The following HIVEP3 variants were observed in gnomAD, a reference collection of about 807,000 sequenced individuals.
HIVEP3 encodes transcription factor HIVEP3.
A neutral mutation model predicts 152.8 loss-of-function variants in HIVEP3; 49 were observed. That is an observed-to-expected ratio of 0.32 (90% CI 0.26 to 0.41). HIVEP3 has a LOEUF of 0.41. HIVEP3 is among the 10% of genes least tolerant of loss of function. The pLI, the probability that HIVEP3 is intolerant of heterozygous loss-of-function variation, is 1.00. For synonymous variants in HIVEP3, 1,269 were observed against 1,289.0 expected, an observed-to-expected ratio of 0.98 and a Z score of 0.33; for missense variants, 2,790 against 3,103.3, an observed-to-expected ratio of 0.90 and a Z score of 2.40.
rs548510599 is a variant in HIVEP3 at position 41,522,830 on chromosome 1, G to C, written c.5383+1905C>G. 1.3e-3 allele frequency among the ~76,000 whole-genome samples: 203 copies of C among 152,342 alleles called. 3 individuals are homozygous for C. The highest frequency in any genetic ancestry group is 1.1e-3 in the Non-Finnish European group (74 of 68,024). ...CAGAGTGATGGTTTCCTGAGGCGAT[G>C]GGCAGCCCAGGCTGCGTGTGGGGCA... is the stretch of plus-strand genomic sequence containing the variant. On this transcript the variant is annotated intron_variant, in intron 6 of 8. Coordinates refer to ENST00000372583, the MANE Select transcript of HIVEP3 (RefSeq NM_024503.5).
intron 1 of HIVEP3, among the ~76,000 whole-genome samples, chr1:41,726,805 C>T (rs1205317631): frequency 6.6e-6 from 1 of 152,110 alleles, no homozygotes; most frequent in Non-Finnish European, 1.5e-5. Context: ...TTAAAAAAGG[C>T]AGAGCTGTCG....
intron 1 of HIVEP3, among the ~76,000 whole-genome samples, chr1:42,015,645 G>C (rs922849860): frequency 2.0e-5 from 3 of 152,248 alleles, no homozygotes; most frequent in Admixed American, 1.3e-4. Flanking sequence ...TAAATGTTTT[G>C]TCTATGCATT....
chr1:41,636,712 T>C (rs1057395541), intron 2 of HIVEP3, among the ~76,000 whole-genome samples: 2 of 152,114 alleles, frequency 1.3e-5, no homozygotes, highest in African/African-American at 4.8e-5. Context: ...GCCTCGTTAA[T>C]AAAGAATATA....
chr1:41,677,943 G>C (rs1298294249), intron 2 of HIVEP3, among the ~76,000 whole-genome samples: 1 of 152,190 alleles, frequency 6.6e-6, no homozygotes, highest in Non-Finnish European at 1.5e-5. Flanking sequence ...AGCTGAACTT[G>C]ACCTGGAGGC....
intron 1 of HIVEP3, among the ~76,000 whole-genome samples, chr1:41,704,811 G>T (rs1473854973): frequency 6.6e-6 from 1 of 152,198 alleles, no homozygotes; most frequent in Non-Finnish European, 1.5e-5. Context: ...GAGAGGGAAA[G>T]GCATTGTCAA....
rs375902631 is a variant in HIVEP3 at position 41,970,311 on chromosome 1, G to C, written n.120-51787C>G. Among the ~76,000 whole-genome samples, 4 of 152,316 alleles carry C rather than the reference G, an allele frequency of 2.6e-5. No individual in the cohort carries two copies. The East Asian group carries it at 5.8e-4, about 22-fold the overall frequency. On this transcript the variant is annotated intron_variant and non_coding_transcript_variant, in intron 1 of 3. Coordinates refer to the HIVEP3 transcript ENST00000489103. ...CAAAATGCCTATCAATGATGGACTA[G>C]ATAAAGAAAATGTGGTGCATATACA...
intron 2 of HIVEP3, among the ~76,000 whole-genome samples, chr1:41,673,771 A>C (rs1191485847): frequency 6.6e-6 from 1 of 152,208 alleles, no homozygotes; most frequent in African/African-American, 2.4e-5. Context: ...CTAGGGAAGA[A>C]GGGATAAAAT....
intron 3 of HIVEP3, among the ~76,000 whole-genome samples, chr1:41,605,496 GAA>G (rs1644810653): frequency 6.6e-6 from 1 of 151,736 alleles, no homozygotes; most frequent in South Asian, 2.1e-4. Context: ...CTCAATTTTT[GAA>G]AAGACATGGG....
At chr1:41,656,936 A>T (rs1570241522) in intron 2 of HIVEP3, among the ~76,000 whole-genome samples, 2 of 152,176 alleles carry the variant, frequency 1.3e-5, no homozygotes, top group East Asian at 3.8e-4. Context: ...CCTAAAAACA[A>T]CAAAATATTC....
intron 1 of HIVEP3, among the ~76,000 whole-genome samples, chr1:41,939,991 T>C (rs1450761616): frequency 6.6e-6 from 1 of 152,220 alleles, no homozygotes; most frequent in Non-Finnish European, 1.5e-5. Context: ...TATTTTACTT[T>C]AGTCTGAGGC....
chr1:41,930,241 A>G (rs766016493), intron 1 of HIVEP3, among the ~76,000 whole-genome samples: 1 of 152,176 alleles, frequency 6.6e-6, no homozygotes, highest in African/African-American at 2.4e-5. Context: ...TGCCATATAA[A>G]GCAGTTCCAT....
At chr1:41,907,710 G>A (rs983410537) in intron 1 of HIVEP3, among the ~76,000 whole-genome samples, 16 of 152,190 alleles carry the variant, frequency 1.1e-4, no homozygotes, top group Admixed American at 6.5e-4. Flanking sequence ...ACACCAAGAA[G>A]TGAGCAGCAG....
chr1:41,731,295 C>G (rs543270179), intron 1 of HIVEP3, among the ~76,000 whole-genome samples: 4 of 152,260 alleles, frequency 2.6e-5, no homozygotes, highest in South Asian at 4.1e-4. Flanking sequence ...GTCTTCACAG[C>G]CTACCCCAGT....
At chr1:41,899,777 T>C (rs1264161260) in intron 1 of HIVEP3, among the ~76,000 whole-genome samples, 1 of 152,218 alleles carries the variant, frequency 6.6e-6, no homozygotes, top group Admixed American at 6.5e-5. Context: ...CTAGTAGCTC[T>C]ATGAAGTACT....
chr1:41,751,051 C>T (rs772448513), intron 1 of HIVEP3, among the ~76,000 whole-genome samples: 1 of 152,118 alleles, frequency 6.6e-6, no homozygotes, highest in Admixed American at 6.6e-5. Flanking sequence ...TTCGTAAGAA[C>T]GGACATGGGC....
intron 4 of HIVEP3, among the ~76,000 whole-genome samples, 200 bp downstream of exon 4, chr1:41,579,537 A>G (rs910849847): frequency 1.3e-5 from 2 of 152,210 alleles, no homozygotes; most frequent in Non-Finnish European, 2.9e-5. Context: ...ATCTATTCCA[A>G]TGATATGAGG....
At chr1:41,757,314 T>G (rs1425867004) in intron 1 of HIVEP3, among the ~76,000 whole-genome samples, 1 of 152,062 alleles carries the variant, frequency 6.6e-6, no homozygotes, top group East Asian at 1.9e-4. Context: ...AGACGGAGTT[T>G]CACCATGTTA....
chr1:41,702,553 A>G (rs934033299), intron 1 of HIVEP3, among the ~76,000 whole-genome samples: 1 of 152,224 alleles, frequency 6.6e-6, no homozygotes, highest in Admixed American at 6.5e-5. Flanking sequence ...ACTGATGTAC[A>G]TAAAACCTCA....
intron 1 of HIVEP3, among the ~76,000 whole-genome samples, chr1:41,793,235 T>C (rs566021270): frequency 1.7e-4 from 26 of 152,374 alleles, no homozygotes; most frequent in Non-Finnish European, 3.5e-4. Context: ...GAATGCCAAT[T>C]GCTCCTGATA....
Sources: gnomAD v4.1 joint callset for allele counts (sites outside exome capture counted in the v4.1 genomes callset) on GRCh38, gnomAD v4.1.1 for gene constraint, MANE v1.5 for transcripts, NCBI Gene and HGNC (gene_info 2026-07-23, HGNC 2026-07-21) for gene names.